Variants in DOCK2 observed in about 807,000 individuals in gnomAD.
DOCK2 encodes dedicator of cytokinesis protein 2.
Under a neutral mutation model 248.9 loss-of-function variants are expected in DOCK2, and 87 were observed. That is an observed-to-expected ratio of 0.35 (90% CI 0.29 to 0.42). The LOEUF (loss-of-function observed/expected upper bound fraction) is 0.42, where lower values mean the gene tolerates loss of function less well. DOCK2 is among the 10% of genes least tolerant of loss of function. The pLI is 1.00. For missense variants in DOCK2, 1,747 were observed against 2,300.2 expected (o/e 0.76, Z 4.92); for synonymous variants, 805 against 821.6 (o/e 0.98, Z 0.35).
At chr5:169,881,788 T>C (rs1023781618) in intron 27 of DOCK2, among the ~76,000 whole-genome samples, 2 of 152,214 alleles carry the variant, frequency 1.3e-5, no homozygotes, top group African/African-American at 2.4e-5. Flanking sequence ...TTCTCTCCTA[T>C]ACGGCAGTGC....
At chr5:169,679,383 A>G (rs1759525857) in intron 6 of DOCK2, among the ~76,000 whole-genome samples, 1 of 152,154 alleles carries the variant, frequency 6.6e-6, no homozygotes, top group African/African-American at 2.4e-5. Context: ...GGCTGCATTC[A>G]GAGGCTGTGG....
intron 27 of DOCK2, chr5:169,934,817 G>T (rs1775914501): frequency 2.3e-6 from 1 of 433,172 alleles, no homozygotes; most frequent in Non-Finnish European, 4.7e-6. Context: ...ATGATAAATT[G>T]ATTGTAGTGT....
chr5:169,951,606 A>G (rs1334141732), intron 27 of DOCK2, among the ~76,000 whole-genome samples: 1 of 152,248 alleles, frequency 6.6e-6, no homozygotes, highest in Non-Finnish European at 1.5e-5. Flanking sequence ...ATAGTTATCA[A>G]TAGAAATCAA....
intron 27 of DOCK2, among the ~76,000 whole-genome samples, chr5:169,962,350 G>C (rs1201807901): frequency 1.3e-5 from 2 of 152,172 alleles, no homozygotes; most frequent in Admixed American, 6.5e-5. Flanking sequence ...GATATGGCCA[G>C]TCAGAAAAAG....
intron 27 of DOCK2, among the ~76,000 whole-genome samples, chr5:169,939,632 A>G (rs541048251): frequency 3.3e-5 from 5 of 152,170 alleles, no homozygotes; most frequent in Non-Finnish European, 5.9e-5. Context: ...GTGTTATGAC[A>G]TTAGGATGGG....
At chr5:169,972,586 TG>T (rs1777556058) in intron 27 of DOCK2, among the ~76,000 whole-genome samples, 1 of 68,956 alleles carries the variant, frequency 1.5e-5, no homozygotes, top group African/African-American at 7.0e-5. Flanking sequence ...GATAGATAGA[TG>T]ATAGATAGAT....
At chr5:169,929,649 G>A (rs958021159) in intron 27 of DOCK2, among the ~76,000 whole-genome samples, 12 of 151,532 alleles carry the variant, frequency 7.9e-5, no homozygotes, top group African/African-American at 2.9e-4. Context: ...GGCTGAGGCA[G>A]GAGAATCACT....
intron 27 of DOCK2, among the ~76,000 whole-genome samples, chr5:169,958,158 T>C (rs1776942601): frequency 6.6e-6 from 1 of 152,172 alleles, no homozygotes; most frequent in Non-Finnish European, 1.5e-5. Context: ...GTCAACTTGA[T>C]TATCTACCCT....
At chr5:169,847,456 T>G (rs30083) in intron 27 of DOCK2, among the ~76,000 whole-genome samples, 105,130 of 152,104 alleles carry the variant, frequency 0.69, 37,490 homozygotes, top group African/African-American at 0.88. Context: ...GTGATGTTGA[T>G]AATTTAGATA....
chr5:169,651,892 G>A (rs1757828473), intron 1 of DOCK2, among the ~76,000 whole-genome samples: 1 of 152,228 alleles, frequency 6.6e-6, no homozygotes, highest in Non-Finnish European at 1.5e-5. Flanking sequence ...TGGTTGCAAA[G>A]TGCAGGAAAG....
At chr5:169,842,312 T>C (rs948379903) in intron 27 of DOCK2, among the ~76,000 whole-genome samples, 4 of 152,136 alleles carry the variant, frequency 2.6e-5, no homozygotes, top group Admixed American at 2.6e-4. Flanking sequence ...TTGTCATTTG[T>C]CTTACTTACC....
intron 22 of DOCK2, among the ~76,000 whole-genome samples, chr5:169,743,069 C>T (rs1371301557): frequency 6.6e-6 from 1 of 152,214 alleles, no homozygotes; most frequent in Non-Finnish European, 1.5e-5. Context: ...AAAAAAGAAC[C>T]TGGAAGCTAC....
At chr5:169,933,426 TG>T (rs1266756527) in intron 27 of DOCK2, among the ~76,000 whole-genome samples, 2 of 152,150 alleles carry the variant, frequency 1.3e-5, no homozygotes, top group Non-Finnish European at 2.9e-5. Flanking sequence ...AGATTGAGAG[TG>T]GCTGCTATAG....
At chr5:169,659,593 G>T (rs1260647538) in intron 2 of DOCK2, among the ~76,000 whole-genome samples, 2 of 152,128 alleles carry the variant, frequency 1.3e-5, no homozygotes, top group Non-Finnish European at 2.9e-5. Context: ...TTAAACAAGG[G>T]TGAATTTCAC....
chr5:169,689,451 G>T, intron 9 of DOCK2, 118 bp downstream of exon 9: 1 of 1,033,238 alleles, frequency 9.7e-7, no homozygotes. Flanking sequence ...CTGTGTTGTG[G>T]GCTCCAAGCA....
chr5:169,768,806 C>A (rs1421326431), intron 25 of DOCK2, among the ~76,000 whole-genome samples: 2 of 152,220 alleles, frequency 1.3e-5, no homozygotes, highest in East Asian at 3.8e-4. Flanking sequence ...TCTCTTTGTA[C>A]CTTACATGCC....
At chr5:169,933,271 TAGGACAGTGGCTGTCA>T (rs1775840685) in intron 27 of DOCK2, among the ~76,000 whole-genome samples, 1 of 152,202 alleles carries the variant, frequency 6.6e-6, no homozygotes, top group South Asian at 2.1e-4. Context: ...GGTTAGCCTG[TAGGACAGTGGCTGTCA>T]GCCCTGGCTG....
intron 27 of DOCK2, among the ~76,000 whole-genome samples, chr5:169,842,685 C>T (rs979858043): frequency 7.9e-5 from 12 of 152,286 alleles, no homozygotes; most frequent in East Asian, 5.8e-4. Flanking sequence ...TCATTCTGTA[C>T]GTAGCAGGCT....
intron 22 of DOCK2, among the ~76,000 whole-genome samples, chr5:169,745,269 A>G (rs1003542507): frequency 1.3e-5 from 2 of 152,080 alleles, no homozygotes; most frequent in Admixed American, 1.3e-4. Context: ...CATCTTTTCT[A>G]CTTTGATGAC....
Sources: gnomAD v4.1 joint callset for allele counts (sites outside exome capture counted in the v4.1 genomes callset) on GRCh38, gnomAD v4.1.1 for gene constraint, MANE v1.5 for transcripts, NCBI Gene and HGNC (gene_info 2026-07-23, HGNC 2026-07-21) for gene names.